PLEKHM3: variants seen among roughly 807,000 people sequenced by gnomAD.
PLEKHM3 encodes the protein pleckstrin homology domain-containing family M member 3.
A neutral mutation model predicts 81.8 loss-of-function variants in PLEKHM3; 45 were observed. That is an observed-to-expected ratio of 0.55 (90% CI 0.43 to 0.71). The LOEUF (loss-of-function observed/expected upper bound fraction) is 0.71, where lower values mean the gene tolerates loss of function less well. Among genes scored for constraint, PLEKHM3 ranks in the 30% least tolerant of loss-of-function variants. The probability of loss-of-function intolerance (pLI) is 0.00; values close to 1 mark genes in which losing one functional copy is unlikely to be tolerated. For synonymous variants in PLEKHM3, 352 were observed against 356.4 expected, an observed-to-expected ratio of 0.99 and a Z score of 0.14; for missense variants, 788 against 924.3, an observed-to-expected ratio of 0.85 and a Z score of 1.91.
In PLEKHM3 at chr2:207,828,346, C is replaced by T; in HGVS notation, c.2259G>A (p.Met753Ile). ...AGGTGTTCTGGTAGGACAGCTCGAA[C>T]ATGGTGCAAGCCTCCTCTAGACTCT... is the stretch of plus-strand genomic sequence containing the variant. ...MDESLEEACTMFELSYQNT is the reference protein window; with the variant it reads ...MDESLEEACTIFELSYQNT The change falls in exon 8 of 8, where the codon ATG becomes ATA. Residue 753 changes from methionine to isoleucine, a missense_variant. By Grantham distance (10) the Met-to-Ile change is conservative (BLOSUM62 1). Transcript: ENST00000427836. 1 of 1,613,484 alleles carries T rather than the reference C, an allele frequency of 6.2e-7. No homozygotes were observed.
intron 6 of PLEKHM3, among the ~76,000 whole-genome samples, chr2:207,892,120 C>T (rs900377591): frequency 6.6e-6 from 1 of 152,150 alleles, no homozygotes; most frequent in African/African-American, 2.4e-5. Context: ...TGTCAGCACA[C>T]TCCCACCTAG....
chr2:207,942,569 T>C (rs1689978751), intron 4 of PLEKHM3, among the ~76,000 whole-genome samples: 1 of 151,218 alleles, frequency 6.6e-6, no homozygotes, highest in South Asian at 2.1e-4. Context: ...CAGCAAATTC[T>C]GTCATTTGCA....
intron 5 of PLEKHM3, among the ~76,000 whole-genome samples, chr2:207,916,016 C>T (rs998069047): frequency 6.6e-6 from 1 of 152,108 alleles, no homozygotes; most frequent in Non-Finnish European, 1.5e-5. Context: ...GGACAGGATT[C>T]GTATGTCCAG....
Position 208,001,789 on chromosome 2 carries a change from C to T in PLEKHM3, c.-150G>A. The T allele has an allele frequency of 2.3e-6, 3 of 1,304,874 alleles. No individual in the cohort carries two copies. The highest frequency in any genetic ancestry group is 3.1e-6 in the Non-Finnish European group (3 of 965,578). The allele number at this position is 1,304,874 out of a possible 1,614,324, so 80.8% of individuals were successfully genotyped here. Reference sequence around the variant, plus strand: ...TGGGCTCCCTGGAGCAGGCCAAACCCAAAGTGGTTGATGTTTTCCTGGTAA... The same window carrying T: ...TGGGCTCCCTGGAGCAGGCCAAACCTAAAGTGGTTGATGTTTTCCTGGTAA... On this transcript the variant is annotated 5_prime_UTR_variant, in exon 2 of 8. Coordinates refer to ENST00000427836, the MANE Select transcript of PLEKHM3 (RefSeq NM_001080475.3).
At chr2:207,996,916 C>G (rs1025283557) in intron 2 of PLEKHM3, among the ~76,000 whole-genome samples, 3 of 151,492 alleles carry the variant, frequency 2.0e-5, no homozygotes, top group African/African-American at 7.3e-5. Flanking sequence ...GTGTACTGAA[C>G]ATGGTTCTAA....
At chr2:207,990,653 A>G (rs1372344285) in intron 2 of PLEKHM3, among the ~76,000 whole-genome samples, 1 of 152,208 alleles carries the variant, frequency 6.6e-6, no homozygotes, top group African/African-American at 2.4e-5. Flanking sequence ...GAAGAGAGTG[A>G]TACTACAGGA....
intron 5 of PLEKHM3, among the ~76,000 whole-genome samples, chr2:207,915,878 T>C (rs1688976243): frequency 6.6e-6 from 1 of 152,168 alleles, no homozygotes; most frequent in Non-Finnish European, 1.5e-5. Flanking sequence ...TGTCTTTCCT[T>C]TGGAGAGCAC....
At chr2:207,914,151 G>A (rs1258364495) in intron 5 of PLEKHM3, among the ~76,000 whole-genome samples, 1 of 152,104 alleles carries the variant, frequency 6.6e-6, no homozygotes, top group Non-Finnish European at 1.5e-5. Flanking sequence ...TCAGGAGTTT[G>A]GGACCAGACT....
At chr2:207,933,442 T>C (rs1408069476) in intron 4 of PLEKHM3, among the ~76,000 whole-genome samples, 1 of 152,252 alleles carries the variant, frequency 6.6e-6, no homozygotes, top group Non-Finnish European at 1.5e-5. Flanking sequence ...TTTTGGGAAA[T>C]GAAGTACAAC....
intron 6 of PLEKHM3, among the ~76,000 whole-genome samples, chr2:207,879,310 T>C (rs2092574959): frequency 6.6e-6 from 1 of 152,218 alleles, no homozygotes; most frequent in African/African-American, 2.4e-5. Flanking sequence ...CTTTCACATC[T>C]GGCTCAAATG....
In PLEKHM3 at chr2:207,826,434, G is replaced by GTTT. The variant is rs1471580996; in HGVS notation, c.*1884_*1885insAAA. 6.6e-6 allele frequency: 1 copy of GTTT among 152,142 alleles called. No individual in the cohort carries two copies. Among genetic ancestry groups the GTTT allele is most frequent in the Non-Finnish European group, 1.5e-5 (1 of 68,020 alleles). The allele number at this position is 152,142 out of a possible 1,614,324, so 9.4% of individuals were successfully genotyped here. ...GAAAAGTCAACCTGCTTTTCTAAGG[G>GTTT]TAAAAGGCACCGTCAGGCGTCTCAT... On this transcript the variant is annotated 3_prime_UTR_variant, in exon 8 of 8. Coordinates refer to ENST00000427836, the MANE Select transcript of PLEKHM3 (RefSeq NM_001080475.3).
intron 3 of PLEKHM3, among the ~76,000 whole-genome samples, chr2:207,957,938 C>T (rs1388073857): frequency 6.6e-6 from 1 of 152,108 alleles, no homozygotes; most frequent in African/African-American, 2.4e-5. Context: ...CTACTGATAT[C>T]TTAAGGATGA....
At chr2:207,964,498 G>A (rs185458669) in intron 3 of PLEKHM3, among the ~76,000 whole-genome samples, 125 of 152,260 alleles carry the variant, frequency 8.2e-4, no homozygotes, top group Non-Finnish European at 7.4e-5. Flanking sequence ...TGAGAGTGGA[G>A]GGAGGGAGGC....
intron 6 of PLEKHM3, among the ~76,000 whole-genome samples, chr2:207,893,134 C>T (rs1023929): frequency 3.3e-5 from 5 of 151,984 alleles, no homozygotes; most frequent in African/African-American, 1.2e-4. Context: ...ACAAAAAAAG[C>T]GTTGTTATCT....
chr2:207,997,980 G>A (rs1330131308), intron 2 of PLEKHM3, among the ~76,000 whole-genome samples: 10 of 152,134 alleles, frequency 6.6e-5, no homozygotes, highest in African/African-American at 2.4e-4. Context: ...CCTGGATATT[G>A]GCACACCCCT....
rs1691349038 is a variant in PLEKHM3, at chr2:207,977,254, T to C, written c.943A>G (p.Met315Val). Reference sequence around the variant, plus strand: ...ATTGTCAGCTCATTCTGCCGCCCCATGTAACCGGGCACAGCAGCATGCACT... The same window carrying C: ...ATTGTCAGCTCATTCTGCCGCCCCACGTAACCGGGCACAGCAGCATGCACT... ...EVVHAAVPGY[M>V]GRQNELTISP... Residue 315 changes from methionine to valine, a missense_variant, in exon 3 of 8, where the codon ATG (methionine) becomes GTG (valine). Physicochemically the swap from Met to Val is conservative, Grantham distance 21. Transcript: ENST00000427836. The C allele has an allele frequency of 3.1e-6, 5 of 1,614,166 alleles. No homozygotes were observed. The highest frequency in any genetic ancestry group is 4.2e-6 in the Non-Finnish European group (5 of 1,180,012).
At chr2:207,963,675 G>C (rs1338404701) in intron 3 of PLEKHM3, among the ~76,000 whole-genome samples, 1 of 152,138 alleles carries the variant, frequency 6.6e-6, no homozygotes, top group South Asian at 2.1e-4. Flanking sequence ...GTATTAAAAA[G>C]GAAGCTGGAA....
chr2:207,909,064 G>T (rs1688722817), intron 5 of PLEKHM3, among the ~76,000 whole-genome samples: 1 of 152,156 alleles, frequency 6.6e-6, no homozygotes, highest in African/African-American at 2.4e-5. Flanking sequence ...GTGTCTAGAG[G>T]CTTCTACGGC....
chr2:207,984,627 C>T (rs1212970047), intron 2 of PLEKHM3, among the ~76,000 whole-genome samples: 2 of 152,202 alleles, frequency 1.3e-5, no homozygotes, highest in African/African-American at 2.4e-5. Flanking sequence ...GTGACCCACC[C>T]ACCTCGGCCT....
Sources: gnomAD v4.1 joint callset for allele counts (sites outside exome capture counted in the v4.1 genomes callset) on GRCh38, gnomAD v4.1.1 for gene constraint, MANE v1.5 for transcripts, NCBI Gene and HGNC (gene_info 2026-07-23, HGNC 2026-07-21) for gene names.